Variants in RTL4 observed in about 807,000 individuals in gnomAD.
RTL4 encodes the protein retrotransposon Gag like 4.
A neutral mutation model predicts 5.3 loss-of-function variants in RTL4; 4 were observed. The observed-to-expected ratio is 0.75, with a 90% confidence interval of 0.37 to 1.72. The LOEUF is 1.72. Ranked by LOEUF, RTL4 falls within the 40% of genes most tolerant of loss-of-function variation. The probability of loss-of-function intolerance (pLI) is 0.04; values close to 1 mark genes in which losing one functional copy is unlikely to be tolerated. For missense variants in RTL4, 260 were observed against 227.1 expected, an observed-to-expected ratio of 1.14 and a Z score of -0.93; for synonymous variants, 98 against 87.3, an observed-to-expected ratio of 1.12 and a Z score of -0.68.
At chrX:112,412,633 G>T in the RTL4 span, among the ~76,000 whole-genome samples, 1 of 111,293 alleles carries the variant, frequency 9.0e-6, no homozygotes. Flanking sequence ...AAATGGTGGT[G>T]GGAAAACTGG....
the RTL4 span, among the ~76,000 whole-genome samples, chrX:112,095,191 G>T: frequency 9.0e-6 from 1 of 111,593 alleles, no homozygotes; most frequent in African/African-American, 3.2e-5. Context: ...AGATAAGTTT[G>T]TAGGTTTCAT....
At chrX:112,428,712 T>C in the RTL4 span, among the ~76,000 whole-genome samples, 4 of 111,693 alleles carry the variant, frequency 3.6e-5, no homozygotes, top group Non-Finnish European at 7.5e-5. Flanking sequence ...CTTGCTGATT[T>C]TCTGCCTGCA....
At chrX:112,369,351 C>G in the RTL4 span, among the ~76,000 whole-genome samples, 1 of 111,547 alleles carries the variant, frequency 9.0e-6, no homozygotes, top group Non-Finnish European at 1.9e-5. Context: ...GGGTATGTCT[C>G]TCACCCTCAG....
At chrX:112,322,605 C>T in the RTL4 span, among the ~76,000 whole-genome samples, 23,390 of 109,968 alleles carry the variant, frequency 0.21, 1,928 homozygotes, top group Admixed American at 0.32. Context: ...GTGATCATTA[C>T]CTGCAGGTTT....
At chrX:112,185,708 C>A in the RTL4 span, among the ~76,000 whole-genome samples, 3 of 108,590 alleles carry the variant, frequency 2.8e-5, no homozygotes, top group African/African-American at 1.0e-4. Flanking sequence ...ACTTGGCTTT[C>A]TCTATTTATT....
the RTL4 span, among the ~76,000 whole-genome samples, chrX:112,307,200 G>A: frequency 8.9e-6 from 1 of 112,000 alleles, no homozygotes; most frequent in Non-Finnish European, 1.9e-5. Context: ...TATGGGTTGG[G>A]CTGTGTTCTA....
At chrX:112,373,809 A>C in the RTL4 span, among the ~76,000 whole-genome samples, 1 of 110,350 alleles carries the variant, frequency 9.1e-6, no homozygotes, top group Non-Finnish European at 1.9e-5. Flanking sequence ...TCAGGCCAAC[A>C]ATGGTCTACT....
the RTL4 span, among the ~76,000 whole-genome samples, chrX:112,176,362 A>C: frequency 8.9e-6 from 1 of 111,809 alleles, no homozygotes; most frequent in East Asian, 2.8e-4. Flanking sequence ...GAATTCTCAG[A>C]GCATTAGTAA....
chrX:112,107,004 G>A, the RTL4 span, among the ~76,000 whole-genome samples: 4 of 111,758 alleles, frequency 3.6e-5, no homozygotes, highest in Non-Finnish European at 5.7e-5. Context: ...TTGCTGTGCA[G>A]AAGTTTTTTA....
chrX:112,344,228 A>ACTG, the RTL4 span, among the ~76,000 whole-genome samples: 4,361 of 111,674 alleles, frequency 0.039, 228 homozygotes, highest in African/African-American at 0.13. Context: ...CAACTCCCTC[A>ACTG]AGCCCACCTC....
chrX:112,137,163 C>T, the RTL4 span, among the ~76,000 whole-genome samples: 2 of 110,911 alleles, frequency 1.8e-5, no homozygotes, highest in African/African-American at 6.6e-5. Flanking sequence ...AAAAGAAACC[C>T]ACAAATACTT....
At chrX:112,120,861 C>G in the RTL4 span, among the ~76,000 whole-genome samples, 29 of 111,724 alleles carry the variant, frequency 2.6e-4, no homozygotes, top group Non-Finnish European at 4.7e-4. Context: ...AACTTACTGG[C>G]TGATGCCCAG....
At chrX:112,183,921 C>T in the RTL4 span, among the ~76,000 whole-genome samples, 1 of 111,556 alleles carries the variant, frequency 9.0e-6, no homozygotes, top group Non-Finnish European at 1.9e-5. Context: ...GTGAATATTG[C>T]AGCAATAAGC....
chrX:112,289,626 G>A, the RTL4 span, among the ~76,000 whole-genome samples: 1 of 111,425 alleles, frequency 9.0e-6, no homozygotes, highest in Admixed American at 9.6e-5. Context: ...ATGTCACCTG[G>A]TTGTTGTGTA....
chrX:112,232,204 G>T, the RTL4 span, among the ~76,000 whole-genome samples: 8 of 111,356 alleles, frequency 7.2e-5, no homozygotes, highest in African/African-American at 2.3e-4. Flanking sequence ...GTCGTATCTG[G>T]TATCCTCACA....
chrX:112,157,194 T>C, the RTL4 span, among the ~76,000 whole-genome samples: 1 of 110,710 alleles, frequency 9.0e-6, no homozygotes, highest in Non-Finnish European at 1.9e-5. Flanking sequence ...TTTAGAAATA[T>C]GTTTTACCAA....
chrX:112,406,371 G>A, the RTL4 span, among the ~76,000 whole-genome samples: 1 of 111,064 alleles, frequency 9.0e-6, no homozygotes, highest in Non-Finnish European at 1.9e-5. Context: ...ATGGCAGGAG[G>A]CAAAGTGGGA....
the RTL4 span, among the ~76,000 whole-genome samples, chrX:112,296,013 G>A: frequency 6.2e-3 from 690 of 111,536 alleles, 3 homozygotes; most frequent in Middle Eastern, 0.014. Flanking sequence ...CTATTTCCTC[G>A]TTTGTCCTCT....
the RTL4 span, among the ~76,000 whole-genome samples, chrX:112,349,400 A>G: frequency 9.0e-6 from 1 of 111,536 alleles, no homozygotes. Flanking sequence ...CTAATCAAGA[A>G]GAGGTTTTGG....
Sources: allele counts gnomAD v4.1 joint callset (sites outside exome capture counted in the v4.1 genomes callset), GRCh38; gene constraint gnomAD v4.1.1; transcripts MANE v1.5; gene names NCBI Gene and HGNC (gene_info 2026-07-23, HGNC 2026-07-21).